UBE2E1: variants seen among roughly 807,000 people sequenced by gnomAD.
The protein encoded by UBE2E1 is ubiquitin-conjugating enzyme E2 E1.
UBE2E1 carries 6 observed loss-of-function variants against 21.4 expected under a neutral mutation model. The observed-to-expected ratio is 0.28, with a 90% confidence interval of 0.15 to 0.55. The LOEUF (loss-of-function observed/expected upper bound fraction) is 0.55. Ranked by LOEUF, UBE2E1 falls within the 20% of genes least tolerant of loss-of-function variation. The pLI, the probability that UBE2E1 is intolerant of heterozygous loss-of-function variation, is 0.93. For missense variants in UBE2E1, 142 were observed against 236.5 expected, an observed-to-expected ratio of 0.60 and a Z score of 2.62; for synonymous variants, 87 against 82.7, an observed-to-expected ratio of 1.05 and a Z score of -0.28.
At chr3:23,879,251 C>G in intron 3 of UBE2E1, 1 of 894,696 alleles carries the variant, frequency 1.1e-6, no homozygotes. Flanking sequence ...TCCACAGTGG[C>G]CTTACTTTGT....
chr3:23,859,153 T>A (rs1048937843), intron 3 of UBE2E1, among the ~76,000 whole-genome samples: 1 of 152,224 alleles, frequency 6.6e-6, no homozygotes, highest in Non-Finnish European at 1.5e-5. Flanking sequence ...CAATATCTAG[T>A]GCCAGCTCTA....
intron 3 of UBE2E1, among the ~76,000 whole-genome samples, chr3:23,821,154 A>G (rs1214705506): frequency 6.6e-6 from 1 of 152,242 alleles, no homozygotes; most frequent in African/African-American, 2.4e-5. Flanking sequence ...GAATTTTAGT[A>G]GACAGTGCAA....
chr3:23,885,576 T>C (rs1166979019), intron 3 of UBE2E1, among the ~76,000 whole-genome samples: 1 of 152,080 alleles, frequency 6.6e-6, no homozygotes, highest in Non-Finnish European at 1.5e-5. Context: ...TTAAAAAATC[T>C]CTGGCCGGGT....
intron 3 of UBE2E1, among the ~76,000 whole-genome samples, chr3:23,879,678 C>T (rs1012030071): frequency 4.6e-5 from 7 of 152,198 alleles, no homozygotes; most frequent in East Asian, 1.9e-4. Context: ...GCCTGGGCCG[C>T]GGCGGAGGAC....
intron 3 of UBE2E1, among the ~76,000 whole-genome samples, chr3:23,832,500 C>T (rs1376613083): frequency 6.6e-6 from 1 of 152,100 alleles, no homozygotes; most frequent in Non-Finnish European, 1.5e-5. Context: ...CAAAAATTAG[C>T]CAGGCGTGGT....
chr3:23,890,771 G>A lies in UBE2E1; in HGVS notation c.*165G>A. The A allele has an allele frequency of 1.8e-6, 1 of 556,242 alleles. No homozygotes were observed. 34.5% of individuals were successfully genotyped at this position (556,242 alleles called of 1,614,324 possible). On this transcript the variant is annotated 3_prime_UTR_variant, in exon 6 of 6. Coordinates refer to ENST00000306627, the MANE Select transcript of UBE2E1 (RefSeq NM_003341.5). ...ATTTTGTTGTAACTTAAGGTATCTT[G>A]CTACAGTAGACAGAATTGGTAATAG...
chr3:23,816,426 G>T lies in UBE2E1; in HGVS notation c.203+4916G>T, dbSNP rs1157722098. ...TGAACCTTAATGTTATACTAAGTGG[G>T]CTGGGCGCAGTGGATTACGCTTGTA... On this transcript the variant is annotated intron_variant, in intron 3 of 5. Transcript: ENST00000306627. This position sits in a 1 kb window ranked among gnomAD's most constrained non-coding sequence, Gnocchi z 4.8. Among the ~76,000 whole-genome samples the T allele has an allele frequency of 1.3e-5, 2 of 152,202 alleles. No homozygotes were observed. Among genetic ancestry groups the T allele is most frequent in the Non-Finnish European group, 2.9e-5 (2 of 68,042 alleles).
chr3:23,869,342 T>C (rs961397358), intron 3 of UBE2E1, among the ~76,000 whole-genome samples: 3 of 145,600 alleles, frequency 2.1e-5, no homozygotes, highest in Non-Finnish European at 4.5e-5. Context: ...TTATAAACTT[T>C]ATGGTATCCT....
At chr3:23,825,235 C>G (rs895744823) in intron 3 of UBE2E1, among the ~76,000 whole-genome samples, 1 of 152,114 alleles carries the variant, frequency 6.6e-6, no homozygotes, top group Non-Finnish European at 1.5e-5. Flanking sequence ...CCTGCCCCAC[C>G]TGTGTTTCTC....
chr3:23,820,325 C>T (rs958240084), intron 3 of UBE2E1, among the ~76,000 whole-genome samples: 4 of 152,320 alleles, frequency 2.6e-5, no homozygotes, highest in Non-Finnish European at 2.9e-5. Context: ...GCTTGAGAAC[C>T]GTAATCCAGG....
At chr3:23,832,722 G>A (rs1027367029) in intron 3 of UBE2E1, among the ~76,000 whole-genome samples, 4 of 152,110 alleles carry the variant, frequency 2.6e-5, no homozygotes, top group South Asian at 2.1e-4. Flanking sequence ...ACAACAGAGC[G>A]AGACTTTGTC....
At position 23,885,171 on chromosome 3, in the gene UBE2E1, G is replaced by A. The variant is rs971353849; in HGVS notation, c.204-2396G>A. 2.6e-5 allele frequency among the ~76,000 whole-genome samples: 4 copies of A among 152,244 alleles called. No individual in the cohort carries two copies. In the East Asian group the frequency reaches 7.7e-4, roughly 29 times the overall value. Reference sequence around the variant, plus strand: ...TGTCTTCTTGCTGTATCCTCATATGGTAGAGAAAAGTTAGAGAGCTTTTGA... The same window carrying A: ...TGTCTTCTTGCTGTATCCTCATATGATAGAGAAAAGTTAGAGAGCTTTTGA... On this transcript the variant is annotated intron_variant, in intron 3 of 5. Transcript: ENST00000306627.
At chr3:23,871,727 C>T (rs1700797146) in intron 3 of UBE2E1, among the ~76,000 whole-genome samples, 2 of 151,714 alleles carry the variant, frequency 1.3e-5, no homozygotes, top group African/African-American at 2.4e-5. Context: ...CTCCTCACAT[C>T]CCAGACGGGG....
rs144977489 is a variant in UBE2E1 at position 23,819,270 on chromosome 3, C to T, written c.203+7760C>T. On this transcript the variant is annotated intron_variant, in intron 3 of 5. Transcript: ENST00000306627. The stretch of plus-strand genomic sequence containing the variant: ...CTGCACTCCAGCCTGGGTGACAGAG[C>T]GAGACGCCATCTCAAAATAAATAAA... Among the ~76,000 whole-genome samples the T allele has an allele frequency of 3.6e-3, 543 of 152,048 alleles. 11 individuals are homozygous for T. In the East Asian group the frequency reaches 0.044, roughly 12 times the overall value.
intron 3 of UBE2E1, among the ~76,000 whole-genome samples, chr3:23,855,126 G>A (rs1172764289): frequency 2.6e-5 from 4 of 152,198 alleles, no homozygotes; most frequent in Non-Finnish European, 5.9e-5. Context: ...ATGTAGTGGT[G>A]AAATTAAAAC....
rs1701461309 is a variant in UBE2E1, at chr3:23,891,476, A to C, written c.*870A>C. Among the ~76,000 whole-genome samples the C allele has an allele frequency of 6.6e-6, 1 of 152,204 alleles. No homozygotes were observed. The highest frequency in any genetic ancestry group is 1.5e-5 in the Non-Finnish European group (1 of 68,024). ...GGATCTGTACTTTACACAGCTGTAGATGAGGTATCCTAGAAAAGGTTAAAT... is the reference window on the plus strand; with the variant it reads ...GGATCTGTACTTTACACAGCTGTAGCTGAGGTATCCTAGAAAAGGTTAAAT... On this transcript the variant is annotated 3_prime_UTR_variant, in exon 6 of 6. Coordinates refer to ENST00000306627, the MANE Select transcript of UBE2E1 (RefSeq NM_003341.5).
chr3:23,879,116 G>C, intron 3 of UBE2E1: 3 of 534,802 alleles, frequency 5.6e-6, no homozygotes, highest in Non-Finnish European at 1.1e-5. Context: ...GCAACTATAA[G>C]TAGAGGGACT....
intron 3 of UBE2E1, among the ~76,000 whole-genome samples, chr3:23,859,223 G>C (rs1309946325): frequency 1.3e-5 from 2 of 152,208 alleles, no homozygotes; most frequent in Admixed American, 6.5e-5. Context: ...AGCTGGTTGA[G>C]AGGAAGTGAT....
At position 23,881,510 on chromosome 3, in the gene UBE2E1, T is replaced by C. The variant is rs142938167; in HGVS notation, c.204-6057T>C. Among the ~76,000 whole-genome samples the C allele has an allele frequency of 5.0e-3, 744 of 147,900 alleles. 8 individuals are homozygous for C. The highest frequency in any genetic ancestry group is 0.017 in the African/African-American group (701 of 41,128). On this transcript the variant is annotated intron_variant, in intron 3 of 5. Transcript: ENST00000306627. ...ATGTCTTCAAACACGGATAAGTGGG[T>C]TTTTTTAAAAAGGCACAGTCTTATA...
Sources: gnomAD v4.1 joint callset for allele counts (sites outside exome capture counted in the v4.1 genomes callset) on GRCh38, gnomAD v4.1.1 for gene constraint, Gnocchi (gnomAD v3.1) non-coding constraint, MANE v1.5 for transcripts, NCBI Gene and HGNC (gene_info 2026-07-23, HGNC 2026-07-21) for gene names.